Variants in ACOXL observed in about 807,000 individuals in gnomAD.
ACOXL encodes the protein acyl-CoA oxidase like.
In ACOXL, 70 loss-of-function variants were observed where a neutral mutation model predicts 71.9. The observed-to-expected ratio is 0.97, with a 90% CI of 0.80 to 1.19. ACOXL has a LOEUF of 1.19. Ranked by LOEUF, ACOXL falls within the 50% of genes most tolerant of loss-of-function variation. The pLI is 0.00. For synonymous variants in ACOXL, 253 were observed against 281.6 expected, an observed-to-expected ratio of 0.90 and a Z score of 1.02; for missense variants, 703 against 736.3, an observed-to-expected ratio of 0.95 and a Z score of 0.52.
chr2:110,733,308 G>C (rs1253068177), intron 1 of ACOXL, among the ~76,000 whole-genome samples: 1 of 151,548 alleles, frequency 6.6e-6, no homozygotes, highest in Non-Finnish European at 1.5e-5. Flanking sequence ...CAGCGGGGCG[G>C]TTTGGTTATA....
At chr2:110,967,153 A>G (rs1458329593) in intron 12 of ACOXL, among the ~76,000 whole-genome samples, 1 of 152,218 alleles carries the variant, frequency 6.6e-6, no homozygotes, top group African/African-American at 2.4e-5. Context: ...AGTACTACAA[A>G]TGCTCTTAAA....
intron 15 of ACOXL, among the ~76,000 whole-genome samples, chr2:111,034,922 C>CTT (rs10707310): frequency 6.7e-4 from 97 of 144,118 alleles, no homozygotes; most frequent in Non-Finnish European, 1.3e-3. Context: ...AAAGCACAGT[C>CTT]TTTTTTTTTT....
intron 12 of ACOXL, among the ~76,000 whole-genome samples, chr2:110,980,819 C>A (rs1442480161): frequency 6.6e-6 from 1 of 152,210 alleles, no homozygotes; most frequent in East Asian, 1.9e-4. Flanking sequence ...CTGCCCGCGG[C>A]CCTGAAAGCC....
chr2:110,977,997 G>T (rs1382713787), intron 12 of ACOXL, among the ~76,000 whole-genome samples: 5 of 152,152 alleles, frequency 3.3e-5, no homozygotes, highest in Non-Finnish European at 7.3e-5. Flanking sequence ...GAACCAATGA[G>T]GAAAGAGCAG....
chr2:110,786,200 G>T (rs1683939281), intron 3 of ACOXL, among the ~76,000 whole-genome samples: 1 of 152,202 alleles, frequency 6.6e-6, no homozygotes, highest in Admixed American at 6.5e-5. Flanking sequence ...CCAAAGAGGA[G>T]AAATTACAAC....
intron 12 of ACOXL, among the ~76,000 whole-genome samples, chr2:110,974,225 AC>A (rs2062344499): frequency 6.6e-6 from 1 of 152,122 alleles, no homozygotes; most frequent in African/African-American, 2.4e-5. Flanking sequence ...CAGGGGAGAA[AC>A]TGGCCAGTGA....
intron 14 of ACOXL, among the ~76,000 whole-genome samples, chr2:111,022,478 C>T (rs1043535413): frequency 6.6e-6 from 1 of 151,448 alleles, no homozygotes. Context: ...AAAGTCAAAC[C>T]GGAAGAGAGA....
At chr2:110,956,965 G>A (rs566398748) in intron 12 of ACOXL, among the ~76,000 whole-genome samples, 19 of 152,228 alleles carry the variant, frequency 1.2e-4, no homozygotes, top group African/African-American at 2.4e-4. Context: ...GCTGTCTACC[G>A]AGTGAGCTCT....
At chr2:110,972,883 G>T (rs915030376) in intron 12 of ACOXL, among the ~76,000 whole-genome samples, 1 of 152,238 alleles carries the variant, frequency 6.6e-6, no homozygotes, top group African/African-American at 2.4e-5. Context: ...GGCTGGTCAT[G>T]TAGACACCCT....
intron 16 of ACOXL, among the ~76,000 whole-genome samples, chr2:111,073,477 T>C (rs185544069): frequency 2.8e-4 from 42 of 152,326 alleles, no homozygotes; most frequent in African/African-American, 9.6e-4. Flanking sequence ...CTTTTGACTA[T>C]TGTGATATCA....
intron 1 of ACOXL, among the ~76,000 whole-genome samples, chr2:110,748,774 C>T (rs1395119940): frequency 6.6e-6 from 1 of 152,180 alleles, no homozygotes; most frequent in Non-Finnish European, 1.5e-5. Context: ...GGTTTCTTTG[C>T]TCTCCGCCTT....
chr2:110,747,539 A>G (rs1187030405), intron 1 of ACOXL, among the ~76,000 whole-genome samples: 4 of 152,214 alleles, frequency 2.6e-5, no homozygotes, highest in Non-Finnish European at 4.4e-5. Flanking sequence ...AATTCACACT[A>G]TAAAAATAAC....
chr2:110,789,109 C>T (rs1684346692), intron 3 of ACOXL, among the ~76,000 whole-genome samples: 1 of 152,216 alleles, frequency 6.6e-6, no homozygotes, highest in Admixed American at 6.5e-5. Context: ...CATTTGTACT[C>T]ACACAGCCAA....
chr2:110,773,619 C>G (rs1198380123), intron 2 of ACOXL, among the ~76,000 whole-genome samples: 1 of 152,218 alleles, frequency 6.6e-6, no homozygotes. Context: ...CTCTGCCGCC[C>G]TGGCCTTGGC....
intron 12 of ACOXL, among the ~76,000 whole-genome samples, chr2:110,951,780 C>G (rs2061342281): frequency 6.6e-6 from 1 of 152,102 alleles, no homozygotes; most frequent in Non-Finnish European, 1.5e-5. Context: ...GATGAATTTA[C>G]ATTAACAGAT....
chr2:110,974,462 C>A (rs988711578), intron 12 of ACOXL, among the ~76,000 whole-genome samples: 10 of 152,138 alleles, frequency 6.6e-5, no homozygotes, highest in Non-Finnish European at 5.9e-5. Context: ...TTTAATTATA[C>A]CCTCCACCAA....
chr2:110,987,093 A>C lies in ACOXL; in HGVS notation c.1060-15A>C. The C allele has an allele frequency of 6.4e-7, 1 of 1,555,910 alleles. No individual in the cohort carries two copies. Among genetic ancestry groups the C allele is most frequent in the Non-Finnish European group, 8.7e-7 (1 of 1,147,142 alleles). On this transcript the variant is annotated splice_polypyrimidine_tract_variant and intron_variant, in intron 12 of 17. Transcript: ENST00000439055. ...TACACTGCTGAGACTGATGAGCGAT[A>C]AACTCTTTGCACAGGTTGTGGGGCG...
At chr2:111,029,420 G>A (rs2149739077) in intron 14 of ACOXL, among the ~76,000 whole-genome samples, 1 of 152,322 alleles carries the variant, frequency 6.6e-6, no homozygotes, top group Non-Finnish European at 1.5e-5. Context: ...TCTGCACTTG[G>A]AGGCCGAGCC....
chr2:110,833,516 G>C (rs921568813), intron 9 of ACOXL, among the ~76,000 whole-genome samples: 2 of 152,146 alleles, frequency 1.3e-5, no homozygotes, highest in African/African-American at 4.8e-5. Context: ...TATCAGGGGA[G>C]TATCCTGCTT....
Sources: allele counts gnomAD v4.1 joint callset (sites outside exome capture counted in the v4.1 genomes callset), GRCh38; gene constraint gnomAD v4.1.1; transcripts MANE v1.5; gene names NCBI Gene and HGNC (gene_info 2026-07-23, HGNC 2026-07-21).